Variants in CHIC1 observed in about 807,000 individuals in gnomAD.
CHIC1 encodes cysteine rich hydrophobic domain 1.
CHIC1 carries 7 observed loss-of-function variants against 18.5 expected under a neutral mutation model. The ratio of observed to expected loss-of-function variants is 0.38; its 90% CI spans 0.22 to 0.71. The LOEUF is 0.71. Among genes scored for constraint, CHIC1 ranks in the 30% least tolerant of loss-of-function variants. CHIC1 has a pLI of 0.49. For synonymous variants in CHIC1, 77 were observed against 73.5 expected (o/e 1.05, Z -0.25); for missense variants, 159 against 176.9 (o/e 0.90, Z 0.57).
chrX:73,659,392 T>TTTTTTTTTTC (rs2057968360), intron 3 of CHIC1, among the ~76,000 whole-genome samples: 1 of 98,736 alleles, frequency 1.0e-5, no homozygotes, highest in African/African-American at 3.7e-5. Flanking sequence ...TTTTTTTTTT[T>TTTTTTTTTTC]TGCATCAGGA....
rs929387630 is a variant in CHIC1, at chrX:73,633,003, G to A, written c.508-46323G>A. 5.5e-5 allele frequency among the ~76,000 whole-genome samples: 6 copies of A among 110,074 alleles called. No individual in the cohort carries two copies. The South Asian group carries it at 1.2e-3, about 22-fold the overall frequency. ...CAGGATGGTCTCAATCTCCTGACCC[G>A]TGATCCGCCAGCCTCAGCCTCCCAA... On this transcript the variant is annotated intron_variant, in intron 3 of 5. Transcript: ENST00000373502.
At chrX:73,653,629 T>C (rs2057928455) in intron 3 of CHIC1, among the ~76,000 whole-genome samples, 1 of 112,442 alleles carries the variant, frequency 8.9e-6, no homozygotes, top group African/African-American at 3.2e-5. Context: ...ATGCATTGAA[T>C]TTGTATATTG....
chrX:73,636,342 A>G (rs1198168131), intron 3 of CHIC1, among the ~76,000 whole-genome samples: 1 of 111,354 alleles, frequency 9.0e-6, no homozygotes, highest in Non-Finnish European at 1.9e-5. Context: ...GGCTATTCAC[A>G]GGAATGATCA....
chrX:73,599,056 T>G (rs2057627489), intron 3 of CHIC1, among the ~76,000 whole-genome samples: 2 of 109,449 alleles, frequency 1.8e-5, no homozygotes, highest in African/African-American at 6.7e-5. Context: ...TCATTGTGGT[T>G]TTGATTTGCA....
chrX:73,670,363 C>T (rs1287893274), intron 3 of CHIC1, among the ~76,000 whole-genome samples: 1 of 111,818 alleles, frequency 8.9e-6, no homozygotes, highest in Non-Finnish European at 1.9e-5. Flanking sequence ...CATCTTGGCC[C>T]TCCCCTTTAT....
chrX:73,621,099 T>G (rs1172659122), intron 3 of CHIC1, among the ~76,000 whole-genome samples: 3 of 112,059 alleles, frequency 2.7e-5, no homozygotes, highest in African/African-American at 9.8e-5. Flanking sequence ...TTGGTTACTG[T>G]AGCCTTGCAG....
intron 3 of CHIC1, among the ~76,000 whole-genome samples, chrX:73,586,894 A>C (rs1362948434): frequency 8.9e-6 from 1 of 111,946 alleles, no homozygotes; most frequent in Non-Finnish European, 1.9e-5. Flanking sequence ...CAAATAGTAA[A>C]TATTTTAGCC....
chrX:73,619,665 A>G (rs1354919968), intron 3 of CHIC1, among the ~76,000 whole-genome samples: 1 of 111,804 alleles, frequency 8.9e-6, no homozygotes, highest in Non-Finnish European at 1.9e-5. Context: ...GCAAAGAGAA[A>G]ACTAATAAAA....
At position 73,626,294 on chromosome X, in the gene CHIC1, C is replaced by A. The variant is rs1112960; in HGVS notation, c.507+41722C>A. Among the ~76,000 whole-genome samples, 126 of 111,088 alleles carry A rather than the reference C, an allele frequency of 1.1e-3. 1 individual carries two copies. Among genetic ancestry groups the A allele is most frequent in the African/African-American group, 3.7e-3 (112 of 30,549 alleles). The stretch of plus-strand genomic sequence containing the variant: ...TGAGGTAGTCTTCATTAGGATAAAT[C>A]TGCTTGGTGTTCTATAACTTTCTTG... On this transcript the variant is annotated intron_variant, in intron 3 of 5. Coordinates refer to ENST00000373502, the MANE Select transcript of CHIC1 (RefSeq NM_001039840.4).
At chrX:73,659,888 G>T (rs886810848) in intron 3 of CHIC1, among the ~76,000 whole-genome samples, 1 of 111,566 alleles carries the variant, frequency 9.0e-6, no homozygotes, top group African/African-American at 3.3e-5. Context: ...TACCCTATCG[G>T]CCCAAATTAT....
At chrX:73,643,446 A>G (rs1285043981) in intron 3 of CHIC1, among the ~76,000 whole-genome samples, 7 of 111,113 alleles carry the variant, frequency 6.3e-5, no homozygotes, top group African/African-American at 2.0e-4. Context: ...TCTCCTGGAT[A>G]ATATCCTGCA....
intron 3 of CHIC1, among the ~76,000 whole-genome samples, chrX:73,639,844 A>G (rs1305353314): frequency 9.0e-6 from 1 of 111,415 alleles, no homozygotes; most frequent in African/African-American, 3.3e-5. Context: ...TGTTGTTAGC[A>G]TATAGGAATG....
chrX:73,563,633 G>A (rs1306916723), intron 1 of CHIC1, 53 bp downstream of exon 1: 2 of 1,009,783 alleles, frequency 2.0e-6, no homozygotes, highest in African/African-American at 3.9e-5. Context: ...GGCAACAGAG[G>A]AATGAGAAGT....
At chrX:73,634,438 T>C (rs935570033) in intron 3 of CHIC1, among the ~76,000 whole-genome samples, 1 of 112,693 alleles carries the variant, frequency 8.9e-6, no homozygotes, top group African/African-American at 3.2e-5. Flanking sequence ...TTAAGATATG[T>C]ACCTGCTATT....
chrX:73,681,132 C>T lies in CHIC1; in HGVS notation c.*127C>T, dbSNP rs2058097568. 2.0e-5 allele frequency: 9 copies of T among 452,781 alleles called. No homozygotes were observed. Among genetic ancestry groups the T allele is most frequent in the South Asian group, 7.2e-5 (2 of 27,785 alleles). The allele number at this position is 452,781 out of a possible 1,213,427, so 37.3% of individuals were successfully genotyped here. ...CTTTATAATGGTAGAATATTCTTCT[C>T]GCTCTTTTGTGTTGGTTTATGAAGA... is the stretch of plus-strand genomic sequence containing the variant. On this transcript the variant is annotated 3_prime_UTR_variant, in exon 6 of 6. Coordinates refer to ENST00000373502, the MANE Select transcript of CHIC1 (RefSeq NM_001039840.4).
At chrX:73,677,497 T>C (rs2058072693) in intron 3 of CHIC1, among the ~76,000 whole-genome samples, 2 of 111,619 alleles carry the variant, frequency 1.8e-5, no homozygotes, top group African/African-American at 6.5e-5. Context: ...ACTGCTGTGC[T>C]AGCAATGTGT....
In CHIC1 at chrX:73,668,482, T is replaced by C. The variant is rs752221027; in HGVS notation, c.508-10844T>C. 8.0e-5 allele frequency among the ~76,000 whole-genome samples: 9 copies of C among 111,972 alleles called. No individual in the cohort carries two copies. The East Asian group carries it at 2.5e-3, about 31-fold the overall frequency. ...TTTAGCATTTTTTTGTTCTTTCTCA[T>C]CCTTGTGGGATTATCTACCTTTGAT... On this transcript the variant is annotated intron_variant, in intron 3 of 5. Coordinates refer to ENST00000373502, the MANE Select transcript of CHIC1 (RefSeq NM_001039840.4).
intron 3 of CHIC1, among the ~76,000 whole-genome samples, chrX:73,629,805 TG>T (rs772694403): frequency 3.6e-5 from 4 of 112,187 alleles, no homozygotes; most frequent in South Asian, 3.7e-4. Context: ...ATTTTAGGAT[TG>T]TTTTTTTCTA....
At chrX:73,641,487 ACT>A (rs2147600398) in intron 3 of CHIC1, among the ~76,000 whole-genome samples, 1 of 109,461 alleles carries the variant, frequency 9.1e-6, no homozygotes, top group African/African-American at 3.3e-5. Context: ...CCACCGTTCC[ACT>A]CTCTACTTTT....
Sources: allele counts gnomAD v4.1 joint callset (sites outside exome capture counted in the v4.1 genomes callset), GRCh38; gene constraint gnomAD v4.1.1; transcripts MANE v1.5; gene names NCBI Gene and HGNC (gene_info 2026-07-23, HGNC 2026-07-21).